Variants in SUCO observed in about 807,000 individuals in gnomAD.
The protein encoded by SUCO is SUN domain containing ossification factor.
Under a neutral mutation model 148.1 loss-of-function variants are expected in SUCO, and 57 were observed. That is an observed-to-expected ratio of 0.38 (90% CI 0.31 to 0.48). The LOEUF is 0.48. SUCO is among the 20% of genes least tolerant of loss of function. The probability of loss-of-function intolerance (pLI) is 0.96; values close to 1 mark genes in which losing one functional copy is unlikely to be tolerated. For missense variants in SUCO, 1,331 were observed against 1,468.2 expected (o/e 0.91, Z 1.53); for synonymous variants, 470 against 502.7 (o/e 0.93, Z 0.87).
intron 18 of SUCO, chr1:172,590,163 GCAA>G (rs1363102828): frequency 3.7e-6 from 1 of 269,470 alleles, no homozygotes; most frequent in Non-Finnish European, 5.7e-6. Flanking sequence ...TATTAGGCTG[GCAA>G]CAAGTTTGAA....
At chr1:172,572,389 G>A (rs989043454) in intron 9 of SUCO, among the ~76,000 whole-genome samples, 4 of 151,816 alleles carry the variant, frequency 2.6e-5, no homozygotes, top group Non-Finnish European at 5.9e-5. Flanking sequence ...CCTGTTGATC[G>A]GTGACCCTAC....
intron 22 of SUCO, among the ~76,000 whole-genome samples, chr1:172,604,629 T>G (rs1657745459): frequency 6.6e-6 from 1 of 151,860 alleles, no homozygotes; most frequent in African/African-American, 2.4e-5. Context: ...CCGAATGTTT[T>G]CGTCTTGCAA....
rs374556130 is a variant in SUCO, at chr1:172,541,007, TG to T, written c.62+7511del. Among the ~76,000 whole-genome samples the T allele has an allele frequency of 4.2e-3, 636 of 152,108 alleles. 4 individuals are homozygous for T. Among genetic ancestry groups the T allele is most frequent in the South Asian group, 0.018 (87 of 4,824 alleles). On this transcript the variant is annotated intron_variant, in intron 1 of 23. Coordinates refer to ENST00000263688, the MANE Select transcript of SUCO (RefSeq NM_014283.5). ...TATTTTGACATAATTGTGCTAGATT[TG>T]TTTTTAGAGGAAGGAGACTTAGAGG...
At chr1:172,567,880 A>C (rs1449498114) in intron 6 of SUCO, among the ~76,000 whole-genome samples, 1 of 152,228 alleles carries the variant, frequency 6.6e-6, no homozygotes, top group Admixed American at 6.5e-5. Context: ...AATTTATGTC[A>C]GCATGCCCCA....
intron 1 of SUCO, among the ~76,000 whole-genome samples, chr1:172,545,885 C>T (rs952116127): frequency 2.0e-5 from 3 of 152,104 alleles, no homozygotes; most frequent in Admixed American, 6.6e-5. Context: ...GCCTGCCTTC[C>T]GTCCTTCTGT....
At chr1:172,562,852 G>A (rs1654280525) in intron 6 of SUCO, among the ~76,000 whole-genome samples, 1 of 152,152 alleles carries the variant, frequency 6.6e-6, no homozygotes, top group Non-Finnish European at 1.5e-5. Flanking sequence ...CCCCACGTTA[G>A]AGGAGCGGCC....
chr1:172,577,714 T>C, intron 12 of SUCO, 50 bp from the exon 13 acceptor site: 1 of 1,585,980 alleles, frequency 6.3e-7, no homozygotes, highest in African/African-American at 1.4e-5. Context: ...TGTTAGATAA[T>C]CTTACATGCT....
rs1032668644 is a variant in SUCO, at chr1:172,541,733, T to C, written c.62+8236T>C. Reference sequence around the variant, plus strand: ...TTGTCCATCTCAATGCAAAGAGATATTTACTTAGGCTTCAGTGTGCTGTAT... The same window carrying C: ...TTGTCCATCTCAATGCAAAGAGATACTTACTTAGGCTTCAGTGTGCTGTAT... On this transcript the variant is annotated intron_variant, in intron 1 of 23. Transcript: ENST00000263688. 2.6e-5 allele frequency among the ~76,000 whole-genome samples: 4 copies of C among 152,220 alleles called. No individual in the cohort carries two copies. The South Asian group carries it at 6.2e-4, about 24-fold the overall frequency.
intron 9 of SUCO, among the ~76,000 whole-genome samples, chr1:172,573,021 G>A (rs960293406): frequency 3.3e-5 from 5 of 151,814 alleles, no homozygotes; most frequent in African/African-American, 1.2e-4. Context: ...GTAAATCTTA[G>A]CATCATTTTA....
chr1:172,558,660 A>G (rs1301821023), intron 6 of SUCO, among the ~76,000 whole-genome samples: 1 of 152,208 alleles, frequency 6.6e-6, no homozygotes, highest in East Asian at 1.9e-4. Context: ...TCTTACAAAT[A>G]TAGGAGCTCA....
At chr1:172,606,675 C>A (rs1031983024) in intron 22 of SUCO, among the ~76,000 whole-genome samples, 6 of 151,636 alleles carry the variant, frequency 4.0e-5, no homozygotes, top group African/African-American at 4.8e-5. Context: ...CTGAAATATT[C>A]TCCTCTTCTT....
At chr1:172,542,659 A>G (rs1480264544) in intron 1 of SUCO, 3 of 875,676 alleles carry the variant, frequency 3.4e-6, no homozygotes, top group East Asian at 2.4e-4. Context: ...CCCCCACCCC[A>G]TCCATGGCAA....
intron 1 of SUCO, among the ~76,000 whole-genome samples, chr1:172,537,905 A>G (rs759664811): frequency 6.6e-6 from 1 of 152,184 alleles, no homozygotes; most frequent in South Asian, 2.1e-4. Flanking sequence ...CTCAGCTCTC[A>G]TCCATAAAAT....
chr1:172,539,855 T>C (rs576090563), intron 1 of SUCO, among the ~76,000 whole-genome samples: 17 of 152,198 alleles, frequency 1.1e-4, no homozygotes, highest in Non-Finnish European at 2.5e-4. Context: ...ATGTATTTGG[T>C]GTGATGAAGG....
upstream of SUCO, chr1:172,532,503 T>C (rs2239816): frequency 0.25 from 397,276 of 1,612,794 alleles, 50,697 homozygotes; most frequent in South Asian, 0.37. Flanking sequence ...CCCCTTTCTA[T>C]CTACCAATCA....
Position 172,597,029 on chromosome 1 carries a change from A to G in SUCO, c.2914-3035A>G, listed in dbSNP as rs538066632. Among the ~76,000 whole-genome samples, 21 of 152,306 alleles carry G rather than the reference A, an allele frequency of 1.4e-4. No individual in the cohort carries two copies. The East Asian group carries it at 4.1e-3, about 29-fold the overall frequency. ...AGCCTCACTGCTGCCTTGCAGTTCA[A>G]TCTCAGACTGCTGTGATAGCAGTGA... On this transcript the variant is annotated intron_variant, in intron 19 of 23. Coordinates refer to ENST00000263688, the MANE Select transcript of SUCO (RefSeq NM_014283.5).
chr1:172,551,045 T>C (rs1256670861), intron 1 of SUCO: 1 of 196,360 alleles, frequency 5.1e-6, no homozygotes, highest in Non-Finnish European at 9.2e-6. Context: ...TATTCATTTA[T>C]GTATGTGCTA....
At chr1:172,559,836 G>A (rs577950044) in intron 6 of SUCO, among the ~76,000 whole-genome samples, 3 of 152,220 alleles carry the variant, frequency 2.0e-5, no homozygotes, top group African/African-American at 7.2e-5. Flanking sequence ...ACATTGGTGG[G>A]CTTGGCTTAC....
At chr1:172,552,665 A>G (rs778488385) in intron 2 of SUCO, 287 of 974,342 alleles carry the variant, frequency 2.9e-4, no homozygotes, top group Non-Finnish European at 3.3e-4. Flanking sequence ...AAAAACTATA[A>G]TTTTATATTT....
Sources: allele counts gnomAD v4.1 joint callset (sites outside exome capture counted in the v4.1 genomes callset), GRCh38; gene constraint gnomAD v4.1.1; transcripts MANE v1.5; gene names NCBI Gene and HGNC (gene_info 2026-07-23, HGNC 2026-07-21).